The following EPS15L1 variants were observed in gnomAD, a reference collection of about 807,000 sequenced individuals.
The protein encoded by EPS15L1 is epidermal growth factor receptor substrate 15-like 1.
In EPS15L1, 43 loss-of-function variants were observed where a neutral mutation model predicts 117.1. That is an observed-to-expected ratio of 0.37 (90% CI 0.29 to 0.47). The LOEUF (loss-of-function observed/expected upper bound fraction) is 0.47, where lower values mean the gene tolerates loss of function less well. Ranked by LOEUF, EPS15L1 falls within the 20% of genes least tolerant of loss-of-function variation. EPS15L1 has a pLI of 0.99. For synonymous variants in EPS15L1, 459 were observed against 470.5 expected, an observed-to-expected ratio of 0.98 and a Z score of 0.32; for missense variants, 981 against 1,164.0, an observed-to-expected ratio of 0.84 and a Z score of 2.29.
At chr19:16,467,799 C>A (rs531650653) in intron 1 of EPS15L1, among the ~76,000 whole-genome samples, 1 of 152,162 alleles carries the variant, frequency 6.6e-6, no homozygotes, top group Admixed American at 6.5e-5. Flanking sequence ...GCCCAGCAGG[C>A]CATCTGGAAC....
chr19:16,448,056 T>C (rs751080665), intron 1 of EPS15L1, among the ~76,000 whole-genome samples: 6 of 152,148 alleles, frequency 3.9e-5, no homozygotes, highest in African/African-American at 7.2e-5. Flanking sequence ...AGGAAAAACA[T>C]GGGCCTCGAA....
At chr19:16,379,404 A>G (rs2092335174) in intron 21 of EPS15L1, among the ~76,000 whole-genome samples, 1 of 152,202 alleles carries the variant, frequency 6.6e-6, no homozygotes, top group Non-Finnish European at 1.5e-5. Flanking sequence ...GGGGGTCTTT[A>G]ACTTTCTCCC....
At position 16,371,854 on chromosome 19, in the gene EPS15L1, C is replaced by T. The variant is rs1360588933; in HGVS notation, c.2380+5268G>A. Among the ~76,000 whole-genome samples the T allele has an allele frequency of 4.6e-5, 7 of 152,180 alleles. No homozygotes were observed. The highest frequency in any genetic ancestry group is 8.8e-5 in the Non-Finnish European group (6 of 68,032). ...CTCTGACTGATCTTGATCTCCGGTC[C>T]GTTGCAGAAAATATACCATTGTTTA... is the stretch of plus-strand genomic sequence containing the variant. On this transcript the variant is annotated intron_variant, in intron 22 of 23. Coordinates refer to ENST00000455140, the MANE Select transcript of EPS15L1 (RefSeq NM_001258374.3). The surrounding 1 kb of genome is among the most constrained non-coding windows in gnomAD (Gnocchi z 4.7).
At position 16,381,376 on chromosome 19, in the gene EPS15L1, A is replaced by T. The variant is rs1292069394; in HGVS notation, c.2247+3753T>A. On this transcript the variant is annotated intron_variant, in intron 21 of 23. Transcript: ENST00000455140. This position sits in a 1 kb window ranked among gnomAD's most constrained non-coding sequence, Gnocchi z 4.2. ...ACGCTGCCCTCAGCTGCCGAGGGCC[A>T]CCCCAGTGGTGGGTCCAGGGCCTCG... Among the ~76,000 whole-genome samples, 1 of 152,158 alleles carries T rather than the reference A, an allele frequency of 6.6e-6. No homozygotes were observed. The highest frequency in any genetic ancestry group is 1.5e-5 in the Non-Finnish European group (1 of 68,022).
chr19:16,409,911 C>A (rs974996470), intron 13 of EPS15L1, among the ~76,000 whole-genome samples: 1 of 143,910 alleles, frequency 6.9e-6, no homozygotes, highest in African/African-American at 2.6e-5. Context: ...GCACTCCAGC[C>A]TGGGCCACAG....
intron 21 of EPS15L1, among the ~76,000 whole-genome samples, chr19:16,378,625 C>T (rs1402820457): frequency 6.6e-6 from 1 of 152,118 alleles, no homozygotes; most frequent in African/African-American, 2.4e-5. Context: ...CCGGCACCTG[C>T]TGCCTCCAGG....
intron 21 of EPS15L1, among the ~76,000 whole-genome samples, chr19:16,380,261 G>A (rs1568402144): frequency 6.6e-6 from 1 of 152,022 alleles, no homozygotes; most frequent in Non-Finnish European, 1.5e-5. Context: ...CAGCAATGCA[G>A]CCATCTAAGG....
At chr19:16,450,148 G>A (rs925644083) in intron 1 of EPS15L1, among the ~76,000 whole-genome samples, 1 of 152,080 alleles carries the variant, frequency 6.6e-6, no homozygotes, top group Non-Finnish European at 1.5e-5. Context: ...TCAGGAGGCT[G>A]AGGCAGAAGG....
At chr19:16,440,999 G>T in intron 3 of EPS15L1, 90 bp from the exon 4 acceptor site, 2 of 1,240,312 alleles carry the variant, frequency 1.6e-6, no homozygotes, top group Non-Finnish European at 2.4e-6. Context: ...CCCATCACTG[G>T]CCTTGCGGGG....
chr19:16,360,372 G>A (rs1432413447), intron 23 of EPS15L1, among the ~76,000 whole-genome samples: 2 of 152,100 alleles, frequency 1.3e-5, no homozygotes, highest in Non-Finnish European at 2.9e-5. Flanking sequence ...GACCCCCAGT[G>A]CGCATCTAGG....
At chr19:16,382,771 A>G (rs1215070696) in intron 21 of EPS15L1, among the ~76,000 whole-genome samples, 1 of 152,102 alleles carries the variant, frequency 6.6e-6, no homozygotes, top group African/African-American at 2.4e-5. Context: ...AAATCTCTTC[A>G]GGTGAGGGTG....
chr19:16,439,827 C>G (rs1010287686), intron 4 of EPS15L1, among the ~76,000 whole-genome samples: 4 of 152,002 alleles, frequency 2.6e-5, no homozygotes, highest in Non-Finnish European at 2.9e-5. Context: ...TCCCTTCTAA[C>G]AAAATGGCCA....
chr19:16,420,344 G>GTGTCAT, intron 10 of EPS15L1, among the ~76,000 whole-genome samples: 1 of 152,204 alleles, frequency 6.6e-6, no homozygotes, highest in African/African-American at 2.4e-5. Context: ...GACAGTCAGG[G>GTGTCAT]TGTCAGGGCG....
At chr19:16,377,100 C>A (rs537274864) in intron 22 of EPS15L1, 22 bp downstream of exon 22, 1 of 1,577,110 alleles carries the variant, frequency 6.3e-7, no homozygotes, top group Admixed American at 1.9e-5. Flanking sequence ...GCGGTGGCTG[C>A]GAGAGAAGAA....
intron 13 of EPS15L1, chr19:16,412,935 G>C: frequency 1.7e-5 from 11 of 659,774 alleles, no homozygotes; most frequent in South Asian, 1.6e-4. Flanking sequence ...CCCTGGAGGA[G>C]AGCTATCTCT....
chr19:16,421,597 C>A lies in EPS15L1; in HGVS notation c.793-121G>T, dbSNP rs373113510. ...CACATTTGGCATCAAACTCTCCTCA[C>A]TTCCATGAGCCAAGAGGGCAGATGT... is the stretch of plus-strand genomic sequence containing the variant. On this transcript the variant is annotated intron_variant, in intron 9 of 23. Coordinates refer to ENST00000455140, the MANE Select transcript of EPS15L1 (RefSeq NM_001258374.3). 5 of 1,043,376 alleles carry A rather than the reference C, an allele frequency of 4.8e-6. 1 individual carries two copies. Among genetic ancestry groups the A allele is most frequent in the South Asian group, 3.1e-5 (2 of 65,198 alleles). The allele number at this position is 1,043,376 out of a possible 1,614,324, so 64.6% of individuals were successfully genotyped here.
intron 1 of EPS15L1, among the ~76,000 whole-genome samples, chr19:16,463,350 C>T (rs2093271916): frequency 6.6e-6 from 1 of 152,160 alleles, no homozygotes; most frequent in African/African-American, 2.4e-5. Flanking sequence ...CCTAGACCCT[C>T]ACCTGTCCAA....
rs2091970076 is a variant in EPS15L1 at position 16,355,625 on chromosome 19, G to A, written c.*80C>T. ...CCTTGGAGTACGGTGGCGACGGTGT[G>A]TGTGTGTATATATAGACATCTGCAC... On this transcript the variant is annotated 3_prime_UTR_variant, in exon 24 of 24. Transcript: ENST00000455140. The A allele has an allele frequency of 4.8e-6, 7 of 1,455,706 alleles. No individual in the cohort carries two copies. Among genetic ancestry groups the A allele is most frequent in the African/African-American group, 1.4e-5 (1 of 71,708 alleles). The allele number at this position is 1,455,706 out of a possible 1,614,324, so 90.2% of individuals were successfully genotyped here.
chr19:16,439,958 C>T (rs1326008078), intron 4 of EPS15L1, among the ~76,000 whole-genome samples: 2 of 137,580 alleles, frequency 1.5e-5, no homozygotes, highest in Admixed American at 7.6e-5. Context: ...GGGGTTTTCA[C>T]TGTGGAGGCT....
Sources: allele counts gnomAD v4.1 joint callset (sites outside exome capture counted in the v4.1 genomes callset), GRCh38; gene constraint gnomAD v4.1.1; non-coding constraint Gnocchi (gnomAD v3.1); transcripts MANE v1.5; gene names NCBI Gene and HGNC (gene_info 2026-07-23, HGNC 2026-07-21).